Variants in RILPL1 observed in about 807,000 individuals in gnomAD.
The protein encoded by RILPL1 is Rab interacting lysosomal protein like 1, also known as RILP-like protein 1.
Under a neutral mutation model 50.3 loss-of-function variants are expected in RILPL1, and 33 were observed. The ratio of observed to expected loss-of-function variants is 0.66; its 90% CI spans 0.50 to 0.88. The LOEUF (loss-of-function observed/expected upper bound fraction) is 0.88. Ranked by LOEUF, RILPL1 falls within the 40% of genes least tolerant of loss-of-function variation. RILPL1 has a pLI of 0.00. For synonymous variants in RILPL1, 205 were observed against 228.6 expected (o/e 0.90, Z 0.93); for missense variants, 418 against 542.5 (o/e 0.77, Z 2.28).
At chr12:123,494,456 C>G (rs1327359087) in intron 4 of RILPL1, among the ~76,000 whole-genome samples, 2 of 152,218 alleles carry the variant, frequency 1.3e-5, no homozygotes, top group Non-Finnish European at 2.9e-5. Flanking sequence ...GACAGGGAAG[C>G]TGAAACTGAC....
chr12:123,529,905 A>G (rs1040226663), intron 1 of RILPL1, among the ~76,000 whole-genome samples: 2 of 150,592 alleles, frequency 1.3e-5, no homozygotes, highest in South Asian at 4.2e-4. Flanking sequence ...AAAAATCTCT[A>G]TCTCTTCCTC....
At position 123,530,291 on chromosome 12, in the gene RILPL1, G is replaced by A. The variant is rs148515129; in HGVS notation, c.309+2883C>T. Among the ~76,000 whole-genome samples, 248 of 152,172 alleles carry A rather than the reference G, an allele frequency of 1.6e-3. 2 individuals are homozygous for A. The highest frequency in any genetic ancestry group is 5.9e-3 in the African/African-American group (243 of 41,522). ...AGCGATTCTCCTGCCTCAGCTTCCT[G>A]AATAGCTGGGATTATAGGCACTCGC... On this transcript the variant is annotated intron_variant, in intron 1 of 6. Transcript: ENST00000376874.
In RILPL1 at chr12:123,485,957, C is replaced by T. The variant is rs1474526963; in HGVS notation, c.802-152G>A. On this transcript the variant is annotated intron_variant, in intron 4 of 6. Coordinates refer to ENST00000376874, the MANE Select transcript of RILPL1 (RefSeq NM_178314.5). The surrounding 1 kb of genome is among the most constrained non-coding windows in gnomAD (Gnocchi z 4.0). Reference sequence around the variant, plus strand: ...AGCACTCGCAGGCGGCCCTTGCTCACGTTCTGTACAGTTTCCCTCTGGAGG... The same window carrying T: ...AGCACTCGCAGGCGGCCCTTGCTCATGTTCTGTACAGTTTCCCTCTGGAGG... Among the ~76,000 whole-genome samples, 2 of 152,214 alleles carry T rather than the reference C, an allele frequency of 1.3e-5. No homozygotes were observed. Among genetic ancestry groups the T allele is most frequent in the Non-Finnish European group, 2.9e-5 (2 of 68,036 alleles).
chr12:123,504,399 A>C (rs1270661119), intron 2 of RILPL1, among the ~76,000 whole-genome samples: 1 of 151,994 alleles, frequency 6.6e-6, no homozygotes, highest in Non-Finnish European at 1.5e-5. Flanking sequence ...ACCACCATGA[A>C]CAAGCATCCC....
Position 123,472,638 on chromosome 12 carries a change from T to C in RILPL1, c.1112A>G (p.Gln371Arg), listed in dbSNP as rs768965639. 6.3e-7 allele frequency: 1 copy of C among 1,596,608 alleles called. No individual in the cohort carries two copies. The highest frequency in any genetic ancestry group is 2.3e-5 in the East Asian group (1 of 44,366). ...SRDKKRLANT[Q>R]RNVHIQESFG... ...GGACTCCTGGATGTGCACGTTTCTCTGTGTGTTGGCCAGGCGCTTCTTATC... is the reference window on the plus strand; with the variant it reads ...GGACTCCTGGATGTGCACGTTTCTCCGTGTGTTGGCCAGGCGCTTCTTATC... Residue 371 changes from glutamine (Q) to arginine (R), a missense_variant, in exon 7 of 7, where the codon CAG becomes CGG. Physicochemically the swap from Gln to Arg is conservative, Grantham distance 43 (BLOSUM62 1). Transcript: ENST00000376874.
Position 123,498,730 on chromosome 12 carries a change from G to A in RILPL1, c.615C>T (p.Asn205=), listed in dbSNP as rs752305245. The A allele has an allele frequency of 6.2e-7, 1 of 1,613,456 alleles. No individual in the cohort carries two copies. The highest frequency in any genetic ancestry group is 8.5e-7 in the Non-Finnish European group (1 of 1,179,896). Residue 205 remains asparagine, a synonymous_variant, in exon 4 of 7, where the codon AAC becomes AAT. Transcript: ENST00000376874. This position sits in a 1 kb window ranked among gnomAD's most constrained non-coding sequence, Gnocchi z 4.3. ...QQQQTRLMKI[N]HDLRHRVTVV... is the part of the protein sequence containing the mutation. ...CCGTGACCCGGTGCCGAAGGTCATG[G>A]TTGATCTTCATCAGCCGTGTCTGCT...
chr12:123,523,362 A>C (rs1885135355), intron 2 of RILPL1, 133 bp downstream of exon 2: 2 of 1,041,638 alleles, frequency 1.9e-6, no homozygotes, highest in Non-Finnish European at 2.9e-6. Context: ...AATCAACACA[A>C]TACAGAAGGC....
chr12:123,484,122 A>G, intron 6 of RILPL1, 58 bp downstream of exon 6: 1 of 1,161,562 alleles, frequency 8.6e-7, no homozygotes, highest in Non-Finnish European at 1.3e-6. Flanking sequence ...AGGAAAAGTC[A>G]AAGGACACGT....
chr12:123,507,292 G>A (rs1883806600), intron 2 of RILPL1, among the ~76,000 whole-genome samples: 1 of 152,208 alleles, frequency 6.6e-6, no homozygotes, highest in South Asian at 2.1e-4. Context: ...GCCAGGCACA[G>A]TGGTTCATGC....
intron 2 of RILPL1, among the ~76,000 whole-genome samples, chr12:123,516,625 G>A (rs778614078): frequency 2.6e-5 from 4 of 152,210 alleles, no homozygotes; most frequent in African/African-American, 7.2e-5. Flanking sequence ...GCTCTAGATC[G>A]CTGTAATCCC....
At chr12:123,510,977 GTGGT>G (rs1287804667) in intron 2 of RILPL1, among the ~76,000 whole-genome samples, 2 of 142,464 alleles carry the variant, frequency 1.4e-5, no homozygotes, top group Non-Finnish European at 3.0e-5. Flanking sequence ...CTGTGTGTGT[GTGGT>G]GTGTGTGAGG....
chr12:123,524,512 G>A (rs935398855), intron 1 of RILPL1, among the ~76,000 whole-genome samples: 1 of 152,086 alleles, frequency 6.6e-6, no homozygotes, highest in African/African-American at 2.4e-5. Context: ...ATTATTCCCA[G>A]TACCCAAAAG....
intron 2 of RILPL1, chr12:123,518,331 C>G: frequency 2.4e-6 from 1 of 425,364 alleles, no homozygotes; most frequent in Non-Finnish European, 4.7e-6. Context: ...TAGTGAGACC[C>G]CCGTCTCTAC....
At chr12:123,490,039 AT>A (rs1290028739) in intron 4 of RILPL1, among the ~76,000 whole-genome samples, 1 of 152,028 alleles carries the variant, frequency 6.6e-6, no homozygotes, top group East Asian at 1.9e-4. Flanking sequence ...TCCCTTTTCC[AT>A]CCCCTTTCTC....
At position 123,533,571 on chromosome 12, in the gene RILPL1, C is replaced by T. The variant is rs927246192; in HGVS notation, c.-89G>A. 1.2e-5 allele frequency: 14 copies of T among 1,141,028 alleles called. No individual in the cohort carries two copies. 70.7% of individuals were successfully genotyped at this position (1,141,028 alleles called of 1,614,324 possible). A position where few individuals can be genotyped will look rare whatever the true frequency, so the allele number is the denominator to read the frequency against. ...GAGGGCCGGGCCGGCCGGGCCCAGCCTGGGCCGCGGGCGGGCGCGCTCAGC... is the reference window on the plus strand; with the variant it reads ...GAGGGCCGGGCCGGCCGGGCCCAGCTTGGGCCGCGGGCGGGCGCGCTCAGC... On this transcript the variant is annotated 5_prime_UTR_variant, in exon 1 of 7. Transcript: ENST00000376874. This position sits in a 1 kb window ranked among gnomAD's most constrained non-coding sequence, Gnocchi z 6.2.
intron 2 of RILPL1, among the ~76,000 whole-genome samples, chr12:123,503,371 T>C (rs1883530199): frequency 6.6e-6 from 1 of 151,618 alleles, no homozygotes; most frequent in Non-Finnish European, 1.5e-5. Context: ...GCTAATTTTT[T>C]TGTATTTTTA....
chr12:123,520,295 A>C (rs1301234984), intron 2 of RILPL1, among the ~76,000 whole-genome samples: 1 of 152,224 alleles, frequency 6.6e-6, no homozygotes, highest in Non-Finnish European at 1.5e-5. Flanking sequence ...GTGGTGGCTC[A>C]CGCCTGTAAT....
chr12:123,512,629 TC>T (rs1884409090), intron 2 of RILPL1, among the ~76,000 whole-genome samples: 1 of 126,386 alleles, frequency 7.9e-6, no homozygotes, highest in African/African-American at 3.1e-5. Context: ...TGTCTGTGTG[TC>T]GTGTGTGAGG....
intron 4 of RILPL1, among the ~76,000 whole-genome samples, chr12:123,490,510 A>G (rs1385290851): frequency 1.3e-5 from 2 of 152,086 alleles, no homozygotes; most frequent in Non-Finnish European, 2.9e-5. Flanking sequence ...GAGAAGGGAC[A>G]GTTCATTTTT....
Sources: gnomAD v4.1 joint callset for allele counts (sites outside exome capture counted in the v4.1 genomes callset) on GRCh38, gnomAD v4.1.1 for gene constraint, Gnocchi (gnomAD v3.1) non-coding constraint, MANE v1.5 for transcripts, NCBI Gene and HGNC (gene_info 2026-07-23, HGNC 2026-07-21) for gene names.